Variants in TNFSF4 observed in about 807,000 individuals in gnomAD.
The protein encoded by TNFSF4 is tumor necrosis factor ligand superfamily member 4.
A neutral mutation model predicts 7.3 loss-of-function variants in TNFSF4; 4 were observed. The observed-to-expected ratio is 0.55, with a 90% CI of 0.27 to 1.25. TNFSF4 has a LOEUF of 1.25. Among genes scored for constraint, TNFSF4 ranks in the 50% most tolerant of loss-of-function variants. TNFSF4 has a pLI of 0.12. For synonymous variants in TNFSF4, 76 were observed against 83.7 expected (o/e 0.91, Z 0.50); for missense variants, 181 against 208.8 (o/e 0.87, Z 0.82).
At chr1:173,209,850 C>T (rs140333490), upstream of TNFSF4, among the ~76,000 whole-genome samples, 1 of 152,148 alleles carries the variant, frequency 6.6e-6, no homozygotes, top group East Asian at 1.9e-4. Context: ...ATAAGCACAC[C>T]AGAGCAAATC....
In TNFSF4 at chr1:173,192,377, C is replaced by T. The variant is rs115271312; in HGVS notation, c.154-3808G>A. On this transcript the variant is annotated intron_variant, in intron 1 of 2. Coordinates refer to ENST00000281834, the MANE Select transcript of TNFSF4 (RefSeq NM_003326.5). ...TACAACCATACAATGGAACATTATG[C>T]AGCACTAAAAAGAAATGAACTATCA... is the stretch of plus-strand genomic sequence containing the variant. 2.4e-3 allele frequency among the ~76,000 whole-genome samples: 364 copies of T among 152,224 alleles called. 2 individuals are homozygous for T. Among genetic ancestry groups the T allele is most frequent in the African/African-American group, 8.2e-3 (342 of 41,528 alleles).
chr1:173,385,314 C>A, the TNFSF4 span, among the ~76,000 whole-genome samples: 3 of 152,088 alleles, frequency 2.0e-5, no homozygotes, highest in Non-Finnish European at 1.5e-5. Context: ...ATACTGCCTT[C>A]TAGGAAGAAA....
At chr1:173,387,269 G>A in the TNFSF4 span, among the ~76,000 whole-genome samples, 76 of 152,288 alleles carry the variant, frequency 5.0e-4, no homozygotes, top group African/African-American at 1.8e-3. Flanking sequence ...TTAAGAGGTG[G>A]AACATTTAGG....
At chr1:173,221,094 GGTAAGTCT>G in the TNFSF4 span, among the ~76,000 whole-genome samples, 1 of 152,098 alleles carries the variant, frequency 6.6e-6, no homozygotes, top group African/African-American at 2.4e-5. Flanking sequence ...GGCTGGTATT[GGTAAGTCT>G]GAAAGCCTAA....
chr1:173,422,640 T>TG, the TNFSF4 span, among the ~76,000 whole-genome samples: 1 of 152,082 alleles, frequency 6.6e-6, no homozygotes, highest in Non-Finnish European at 1.5e-5. Flanking sequence ...GCTGAGAAGA[T>TG]GGCGCATTCC....
the TNFSF4 span, among the ~76,000 whole-genome samples, chr1:173,262,596 TTC>T: frequency 9.7e-5 from 13 of 133,796 alleles, no homozygotes; most frequent in African/African-American, 3.1e-4. Context: ...GCCCAAAAGA[TTC>T]TTTTTTTTTT....
At chr1:173,211,683 T>C (rs1258608187), upstream of TNFSF4, among the ~76,000 whole-genome samples, 3 of 152,168 alleles carry the variant, frequency 2.0e-5, no homozygotes, top group African/African-American at 7.2e-5. Context: ...ACATTCCCCA[T>C]GAAGGGCTGT....
At chr1:173,257,554 T>C in the TNFSF4 span, among the ~76,000 whole-genome samples, 1 of 152,244 alleles carries the variant, frequency 6.6e-6, no homozygotes, top group Non-Finnish European at 1.5e-5. Context: ...AGATAACTTA[T>C]TAGCACAATT....
the TNFSF4 span, among the ~76,000 whole-genome samples, chr1:173,287,678 T>C: frequency 6.6e-6 from 1 of 152,146 alleles, no homozygotes; most frequent in Non-Finnish European, 1.5e-5. Flanking sequence ...ACTGAAATGA[T>C]TGTCAATAAT....
At chr1:173,224,482 C>T in the TNFSF4 span, among the ~76,000 whole-genome samples, 1 of 152,170 alleles carries the variant, frequency 6.6e-6, no homozygotes, top group Non-Finnish European at 1.5e-5. Context: ...CATCCTGGTC[C>T]CAGCACTCAA....
the TNFSF4 span, among the ~76,000 whole-genome samples, chr1:173,247,152 G>A: frequency 6.6e-6 from 1 of 152,332 alleles, no homozygotes; most frequent in South Asian, 2.1e-4. Context: ...CCTTTTAAGA[G>A]GGGATTCTGA....
At chr1:173,378,715 T>C in the TNFSF4 span, among the ~76,000 whole-genome samples, 1 of 152,274 alleles carries the variant, frequency 6.6e-6, no homozygotes, top group African/African-American at 2.4e-5. Context: ...TACACAACTA[T>C]GCAAAGCTTG....
the TNFSF4 span, among the ~76,000 whole-genome samples, chr1:173,268,007 G>A: frequency 1.3e-5 from 2 of 152,102 alleles, no homozygotes; most frequent in East Asian, 1.9e-4. Context: ...TTTGGTGAAC[G>A]ATTTCTCAAG....
chr1:173,426,874 G>A, the TNFSF4 span, among the ~76,000 whole-genome samples: 1 of 152,030 alleles, frequency 6.6e-6, no homozygotes, highest in South Asian at 2.1e-4. Context: ...GATTACAGGC[G>A]TGAGCCACTG....
At chr1:173,345,487 T>C in the TNFSF4 span, among the ~76,000 whole-genome samples, 2 of 152,278 alleles carry the variant, frequency 1.3e-5, no homozygotes, top group South Asian at 4.1e-4. Context: ...AAAATCAGGC[T>C]GGGGGTCAGT....
the TNFSF4 span, among the ~76,000 whole-genome samples, chr1:173,407,145 G>A: frequency 1.3e-5 from 2 of 150,212 alleles, no homozygotes; most frequent in East Asian, 4.0e-4. Flanking sequence ...TGCGGGAGGG[G>A]AGAAAAGCAG....
the TNFSF4 span, among the ~76,000 whole-genome samples, chr1:173,253,373 C>T: frequency 7.0e-3 from 1,061 of 152,328 alleles, 6 homozygotes; most frequent in Non-Finnish European, 9.2e-3. Context: ...GCTAGAGGAA[C>T]AGGATCCATA....
chr1:173,366,018 A>G, the TNFSF4 span, among the ~76,000 whole-genome samples: 140 of 152,308 alleles, frequency 9.2e-4, 1 homozygote, highest in Non-Finnish European at 1.1e-3. Flanking sequence ...ACCCTCATAC[A>G]CTGTTGGTGG....
chr1:173,308,976 AAGGTCCACTT>A, the TNFSF4 span, among the ~76,000 whole-genome samples: 1 of 151,924 alleles, frequency 6.6e-6, no homozygotes, highest in Non-Finnish European at 1.5e-5. Flanking sequence ...GGCAATTGCC[AAGGTCCACTT>A]AGGTTCAAGA....
Sources: gnomAD v4.1 joint callset for allele counts (sites outside exome capture counted in the v4.1 genomes callset) on GRCh38, gnomAD v4.1.1 for gene constraint, MANE v1.5 for transcripts, NCBI Gene and HGNC (gene_info 2026-07-23, HGNC 2026-07-21) for gene names.